CATSPER4: variants seen among roughly 807,000 people sequenced by gnomAD.
CATSPER4 encodes cation channel sperm associated 4.
CATSPER4 carries 46 observed loss-of-function variants against 54.4 expected under a neutral mutation model. That is an observed-to-expected ratio of 0.84 (90% CI 0.67 to 1.08). The LOEUF (loss-of-function observed/expected upper bound fraction) is 1.08, where lower values mean the gene tolerates loss of function less well. Ranked by LOEUF, CATSPER4 falls within the 50% of genes least tolerant of loss-of-function variation. The probability of loss-of-function intolerance (pLI) is 0.00; values close to 1 mark genes in which losing one functional copy is unlikely to be tolerated. For synonymous variants in CATSPER4, 230 were observed against 231.9 expected (o/e 0.99, Z 0.08); for missense variants, 574 against 612.8 (o/e 0.94, Z 0.67).
Position 26,202,566 on chromosome 1 carries a change from G to C in CATSPER4, c.*24G>C, listed in dbSNP as rs777392436. The C allele has an allele frequency of 4.4e-6, 7 of 1,603,196 alleles. No homozygotes were observed. The highest frequency in any genetic ancestry group is 6.0e-6 in the Non-Finnish European group (7 of 1,173,288). On this transcript the variant is annotated 3_prime_UTR_variant, in exon 10 of 10. Transcript: ENST00000456354. ...GAGAGGCCAGGATGGGAGCCAAGGG[G>C]CCTGCACACACACACCCAGCCGCTG...
Position 26,192,188 on chromosome 1 carries a change from C to T in CATSPER4, c.357+758C>T, listed in dbSNP as rs866757729. Among the ~76,000 whole-genome samples, 10 of 150,512 alleles carry T rather than the reference C, an allele frequency of 6.6e-5. No homozygotes were observed. The South Asian group carries it at 1.7e-3, about 25-fold the overall frequency. Reference sequence around the variant, plus strand: ...TGTCACCCAGGCTGGTGTGCAGTGGCGCCATCTTGGCTCAATGCAGCCTTG... The same window carrying T: ...TGTCACCCAGGCTGGTGTGCAGTGGTGCCATCTTGGCTCAATGCAGCCTTG... On this transcript the variant is annotated intron_variant, in intron 2 of 9. Coordinates refer to ENST00000456354, the MANE Select transcript of CATSPER4 (RefSeq NM_198137.2).
chr1:26,192,485 G>A (rs2088883072), intron 2 of CATSPER4, among the ~76,000 whole-genome samples: 2 of 151,984 alleles, frequency 1.3e-5, no homozygotes, highest in Admixed American at 1.3e-4. Flanking sequence ...AGCCACTTGA[G>A]AGGCTGAGGC....
intron 3 of CATSPER4, among the ~76,000 whole-genome samples, chr1:26,194,913 C>T (rs1474927921): frequency 6.6e-6 from 1 of 152,054 alleles, no homozygotes; most frequent in Non-Finnish European, 1.5e-5. Context: ...GGTGAAACCT[C>T]GTCTCTACTA....
chr1:26,190,773 T>C lies in CATSPER4; in HGVS notation c.146T>C (p.Ile49Thr), dbSNP rs752252883. 14 of 1,613,524 alleles carry C rather than the reference T, an allele frequency of 8.7e-6. No homozygotes were observed. The South Asian group carries it at 1.3e-4, about 15-fold the overall frequency. Reference protein sequence around the residue: ...RGRPSPLQSTIHESYGRPEEQ... With the variant: ...RGRPSPLQSTTHESYGRPEEQ... ...CGCCCCTCTCCCCTGCAGAGTACCATTCACGAGTCCTACGGTCGGCCAGAG... is the reference window on the plus strand; with the variant it reads ...CGCCCCTCTCCCCTGCAGAGTACCACTCACGAGTCCTACGGTCGGCCAGAG... The change falls in exon 1 of 10, where the codon ATT becomes ACT. Residue 49 changes from isoleucine to threonine, a missense_variant. Ile to Thr is a moderately conservative substitution (Grantham distance 89). Coordinates refer to ENST00000456354, the MANE Select transcript of CATSPER4 (RefSeq NM_198137.2).
At position 26,201,500 on chromosome 1, in the gene CATSPER4, C is replaced by T. The variant is rs758328338; in HGVS notation, c.1346C>T (p.Ala449Val). 20 of 1,613,838 alleles carry T rather than the reference C, an allele frequency of 1.2e-5. No individual in the cohort carries two copies. In the South Asian group the frequency reaches 1.8e-4, roughly 14 times the overall value. ...QMSQQQDLLSALVSMEKVHDS... is the reference protein window; with the variant it reads ...QMSQQQDLLSVLVSMEKVHDS... ...TCTCAACAGCAAGACTTGCTCAGTG[C>T]GCTCGTTAGCATGGAAAAGGTGTGC... The change falls in exon 9 of 10, where the codon GCG (alanine) becomes GTG (valine). Residue 449 changes from alanine (A) to valine (V), a missense_variant. By Grantham distance (64) the Ala-to-Val change is moderately conservative (BLOSUM62 0). Coordinates refer to ENST00000456354, the MANE Select transcript of CATSPER4 (RefSeq NM_198137.2).
At chr1:26,193,743 C>T (rs552734631) in intron 2 of CATSPER4, 44 bp from the exon 3 acceptor site, 75 of 1,340,894 alleles carry the variant, frequency 5.6e-5, no homozygotes, top group Non-Finnish European at 7.7e-5. Context: ...AGGCCCTGCT[C>T]CACTGACCTC....
chr1:26,200,623 G>T (rs537196345), intron 7 of CATSPER4, among the ~76,000 whole-genome samples: 2 of 152,084 alleles, frequency 1.3e-5, no homozygotes, highest in African/African-American at 4.8e-5. Flanking sequence ...AATGGGGTGA[G>T]AATTTTTAAA....
chr1:26,194,305 G>A (rs981162770), intron 3 of CATSPER4, among the ~76,000 whole-genome samples: 1 of 152,162 alleles, frequency 6.6e-6, no homozygotes, highest in African/African-American at 2.4e-5. Flanking sequence ...AAGCAACCAT[G>A]GACCACACAT....
chr1:26,190,916 G>A (rs374071777), intron 1 of CATSPER4, 76 bp downstream of exon 1: 1 of 1,408,016 alleles, frequency 7.1e-7, no homozygotes. Flanking sequence ...TGGTAACTCT[G>A]CCCCTCTACC....
intron 8 of CATSPER4, 135 bp from the exon 9 acceptor site, chr1:26,201,219 C>A: frequency 9.5e-7 from 1 of 1,056,518 alleles, no homozygotes; most frequent in Non-Finnish European, 1.4e-6. Context: ...CCATCTCACA[C>A]AAGGGCACAG....
At chr1:26,197,344 G>A (rs2088953846) in intron 3 of CATSPER4, among the ~76,000 whole-genome samples, 1 of 152,180 alleles carries the variant, frequency 6.6e-6, no homozygotes, top group Non-Finnish European at 1.5e-5. Context: ...GGCAGGAACA[G>A]CCAAGTGTTT....
intron 9 of CATSPER4, among the ~76,000 whole-genome samples, chr1:26,201,831 A>T (rs2124531052): frequency 6.6e-6 from 1 of 151,886 alleles, no homozygotes. Flanking sequence ...CTGGGATTAC[A>T]GGTGCTTGTC....
chr1:26,201,286 G>A, intron 8 of CATSPER4, 68 bp from the exon 9 acceptor site: 1 of 1,534,622 alleles, frequency 6.5e-7, no homozygotes, highest in Non-Finnish European at 9.0e-7. Flanking sequence ...GTGACGCCAG[G>A]GAAGAGGTGG....
chr1:26,201,657 TTTTTTTC>T (rs1201697560), intron 9 of CATSPER4, 138 bp downstream of exon 9: 8 of 752,840 alleles, frequency 1.1e-5, no homozygotes, highest in African/African-American at 5.4e-5. Flanking sequence ...CACCCCTCCT[TTTTTTTC>T]TTTTTTCTTT....
At chr1:26,192,457 G>C (rs935487157) in intron 2 of CATSPER4, among the ~76,000 whole-genome samples, 7 of 151,816 alleles carry the variant, frequency 4.6e-5, no homozygotes, top group African/African-American at 1.7e-4. Flanking sequence ...AGGCATGGTG[G>C]TGGGCGCCTA....
intron 2 of CATSPER4, among the ~76,000 whole-genome samples, chr1:26,193,462 G>A (rs2088894187): frequency 6.6e-6 from 1 of 152,124 alleles, no homozygotes; most frequent in Non-Finnish European, 1.5e-5. Context: ...AGAAGTTAGG[G>A]ACAAAAGTTC....
chr1:26,198,444 C>T (rs1476091594), intron 6 of CATSPER4, 25 bp downstream of exon 6: 2 of 1,613,814 alleles, frequency 1.2e-6, no homozygotes, highest in Admixed American at 1.7e-5. Context: ...GACTTCCAGC[C>T]TCATCCCACC....
At chr1:26,199,598 C>CAAAAAAAAAAAAAAAAAAAAA (rs561742837) in intron 6 of CATSPER4, among the ~76,000 whole-genome samples, 5 of 113,850 alleles carry the variant, frequency 4.4e-5, no homozygotes, top group Admixed American at 8.8e-5. Context: ...GACTCCATCT[C>CAAAAAAAAAAAAAAAAAAAAA]AAAAAAAAAA....
intron 2 of CATSPER4, 25 bp downstream of exon 2, chr1:26,191,455 C>T (rs764695924): frequency 3.1e-6 from 5 of 1,613,450 alleles, no homozygotes; most frequent in Non-Finnish European, 4.2e-6. Flanking sequence ...TGACCTCTGC[C>T]CCACTAACCC....
Sources: allele counts gnomAD v4.1 joint callset (sites outside exome capture counted in the v4.1 genomes callset), GRCh38; gene constraint gnomAD v4.1.1; transcripts MANE v1.5; gene names NCBI Gene and HGNC (gene_info 2026-07-23, HGNC 2026-07-21).